Variants in ZNF556 observed in about 807,000 individuals in gnomAD.
ZNF556 encodes zinc finger protein 556.
Under a neutral mutation model 13.6 loss-of-function variants are expected in ZNF556, and 11 were observed. That is an observed-to-expected ratio of 0.81 (90% CI 0.51 to 1.33). ZNF556 has a LOEUF of 1.33. Among genes scored for constraint, ZNF556 ranks in the 40% most tolerant of loss-of-function variants. ZNF556 has a pLI of 0.00. For missense variants in ZNF556, 633 were observed against 566.2 expected, an observed-to-expected ratio of 1.12 and a Z score of -1.20; for synonymous variants, 229 against 207.8, an observed-to-expected ratio of 1.10 and a Z score of -0.88.
Position 2,877,991 on chromosome 19 carries a change from G to C in ZNF556, c.1033G>C (p.Gly345Arg). The stretch of plus-strand genomic sequence containing the variant: ...GCATGCTAAAAAGAAACCTGTGAGT[G>C]GGGGCAGCGTGGGAAAGTCTTCCGC... ...RTHAKKKPVS[G>R]GSVGKSSARP... The change falls in exon 4 of 4, where the codon GGG becomes CGG. Residue 345 changes from glycine to arginine, a missense_variant. By Grantham distance (125) the Gly-to-Arg change is moderately radical. Coordinates refer to ENST00000307635, the MANE Select transcript of ZNF556 (RefSeq NM_024967.3). 1 of 1,614,124 alleles carries C rather than the reference G, an allele frequency of 6.2e-7. No homozygotes were observed. Among genetic ancestry groups the C allele is most frequent in the Non-Finnish European group, 8.5e-7 (1 of 1,179,992 alleles).
intron 1 of ZNF556, among the ~76,000 whole-genome samples, chr19:2,871,535 C>A (rs1053585562): frequency 2.0e-5 from 3 of 152,142 alleles, no homozygotes; most frequent in Admixed American, 6.6e-5. Context: ...TACACTGGGC[C>A]TGGTGCGGTG....
In ZNF556 at chr19:2,878,309, A is replaced by G. The variant is rs1264589193; in HGVS notation, c.1351A>G (p.Lys451Glu). 3.1e-6 allele frequency: 5 copies of G among 1,613,792 alleles called. No individual in the cohort carries two copies. In the South Asian group the frequency reaches 5.5e-5, roughly 18 times the overall value. Residue 451 changes from lysine to glutamate, a missense_variant, in exon 4 of 4, where the codon AAA (lysine) becomes GAA (glutamate). Coordinates refer to ENST00000307635, the MANE Select transcript of ZNF556 (RefSeq NM_024967.3). The part of the protein sequence containing the change: ...QGHVRSHTGK[K>E]SCTSK ...TCATGTGAGAAGTCACACAGGAAAG[A>G]AATCCTGTACATCTAAGTAATGGGG...
In ZNF556 at chr19:2,871,255, C is replaced by T. The variant is rs557447925; in HGVS notation, c.4-2241C>T. On this transcript the variant is annotated intron_variant, in intron 1 of 3. Coordinates refer to ENST00000307635, the MANE Select transcript of ZNF556 (RefSeq NM_024967.3). ...GGAAATCCTGCCATTGGTGACAGCA[C>T]TGATGAACCTGGGGCACATTATGCT... 4.3e-4 allele frequency among the ~76,000 whole-genome samples: 65 copies of T among 152,198 alleles called. 1 individual carries two copies. The highest frequency in any genetic ancestry group is 1.5e-3 in the African/African-American group (63 of 41,514).
rs1484204212 is a variant in ZNF556, at chr19:2,878,164, T to C, written c.1206T>C (p.Ser402=). 3.7e-6 allele frequency: 6 copies of C among 1,613,938 alleles called. No homozygotes were observed. Among genetic ancestry groups the C allele is most frequent in the Non-Finnish European group, 5.1e-6 (6 of 1,180,028 alleles). Residue 402 remains serine (S), a synonymous_variant, in exon 4 of 4, where the codon AGT becomes AGC. Coordinates refer to ENST00000307635, the MANE Select transcript of ZNF556 (RefSeq NM_024967.3). ...GGGAGAAACCTGTAAATGCAGCCAG[T>C]GTGGGAAAACCTTCAGGCGGGCTTT... is the stretch of plus-strand genomic sequence containing the variant. ...HTGEKPVNAA[S]VGKPSGGLCS...
intron 2 of ZNF556, chr19:2,875,544 C>A: frequency 1.2e-5 from 2 of 168,462 alleles, no homozygotes; most frequent in East Asian, 1.6e-4. Flanking sequence ...TTCTGGAGAC[C>A]CTGCTTATAG....
intron 1 of ZNF556, 114 bp downstream of exon 1, chr19:2,867,538 C>T (rs1199216379): frequency 6.8e-7 from 1 of 1,470,670 alleles, no homozygotes. Flanking sequence ...CATGCAGCCT[C>T]TGTCCCTGTG....
chr19:2,876,754 T>C (rs2144891533), intron 3 of ZNF556, among the ~76,000 whole-genome samples: 1 of 152,158 alleles, frequency 6.6e-6, no homozygotes, highest in East Asian at 1.9e-4. Context: ...TAGAAACAAT[T>C]ATCAGAGAGC....
Position 2,867,372 on chromosome 19 carries a change from C to G in ZNF556, c.-50C>G, listed in dbSNP as rs368391520. 1.3e-5 allele frequency: 20 copies of G among 1,567,862 alleles called. No homozygotes were observed. Among genetic ancestry groups the G allele is most frequent in the Non-Finnish European group, 1.7e-5 (20 of 1,156,094 alleles). On this transcript the variant is annotated 5_prime_UTR_variant, in exon 1 of 4. Transcript: ENST00000307635. ...GTGTCCCCGTCGTGCTCACCTGCAC[C>G]GGCTGCGAGGAGCAGGGAGCTCCTC...
At chr19:2,872,887 T>C (rs499791) in intron 1 of ZNF556, among the ~76,000 whole-genome samples, 144,283 of 151,600 alleles carry the variant, frequency 0.95, 68,716 homozygotes, top group East Asian at 1. Context: ...AATCCCAGCA[T>C]TTTGGGAGGC....
chr19:2,870,513 G>A (rs565296038), intron 1 of ZNF556, among the ~76,000 whole-genome samples: 17 of 152,040 alleles, frequency 1.1e-4, no homozygotes, highest in African/African-American at 4.1e-4. Flanking sequence ...TTGGGAGGCC[G>A]AGGCAGGCAG....
In ZNF556 at chr19:2,877,808, G is replaced by T. The variant is rs1482570945; in HGVS notation, c.850G>T (p.Gly284Trp). The T allele has an allele frequency of 6.2e-7, 1 of 1,614,186 alleles. No homozygotes were observed. The highest frequency in any genetic ancestry group is 1.1e-5 in the South Asian group (1 of 91,088). ...FRVHMIMHAG[G>W]RPYECKQCGK... ...AGTCCATATGATCATGCACGCCGGA[G>T]GGAGACCGTATGAGTGCAAGCAGTG... is the stretch of plus-strand genomic sequence containing the variant. The change falls in exon 4 of 4, where the codon GGG (glycine) becomes TGG (tryptophan). Residue 284 changes from glycine to tryptophan, a missense_variant. Gly to Trp is a radical substitution (Grantham distance 184). Coordinates refer to ENST00000307635, the MANE Select transcript of ZNF556 (RefSeq NM_024967.3).
rs760155680 is a variant in ZNF556 at position 2,873,526 on chromosome 19, G to C, written c.34G>C (p.Asp12His). ...DTVVFEDVVVDFTLEEWALLN... is the reference protein window; with the variant it reads ...DTVVFEDVVVHFTLEEWALLN... The stretch of plus-strand genomic sequence containing the variant: ...AGTGGTCTTTGAAGACGTGGTTGTG[G>C]ATTTCACGCTGGAGGAGTGGGCCTT... Residue 12 changes from aspartate to histidine, a missense_variant, in exon 2 of 4, where the codon GAT (aspartate) becomes CAT (histidine). Coordinates refer to ENST00000307635, the MANE Select transcript of ZNF556 (RefSeq NM_024967.3). 1.9e-6 allele frequency: 3 copies of C among 1,614,176 alleles called. No individual in the cohort carries two copies. The highest frequency in any genetic ancestry group is 2.5e-6 in the Non-Finnish European group (3 of 1,180,018).
chr19:2,869,642 C>T (rs1392953724), intron 1 of ZNF556, among the ~76,000 whole-genome samples: 1 of 152,192 alleles, frequency 6.6e-6, no homozygotes, highest in African/African-American at 2.4e-5. Context: ...CTGGGATTAA[C>T]AGGCGTGAGC....
Position 2,878,438 on chromosome 19 carries a change from A to C in ZNF556, c.*109A>C. ...GTAATCCCAGCACTTTGGGAGGCCG[A>C]GGCAGGCGGATCACGAGGTCAGGAG... On this transcript the variant is annotated 3_prime_UTR_variant, in exon 4 of 4. Transcript: ENST00000307635. The C allele has an allele frequency of 9.2e-7, 1 of 1,083,780 alleles. No homozygotes were observed. Among genetic ancestry groups the C allele is most frequent in the Non-Finnish European group, 1.3e-6 (1 of 753,532 alleles). 67.1% of individuals were successfully genotyped at this position (1,083,780 alleles called of 1,614,324 possible).
intron 1 of ZNF556, among the ~76,000 whole-genome samples, chr19:2,868,866 G>A (rs942934140): frequency 2.0e-5 from 3 of 151,498 alleles, no homozygotes; most frequent in African/African-American, 7.3e-5. Context: ...TTACAGGCAC[G>A]TGTGGCCACA....
intron 1 of ZNF556, among the ~76,000 whole-genome samples, chr19:2,872,387 T>C (rs934828716): frequency 3.3e-5 from 5 of 151,188 alleles, no homozygotes; most frequent in African/African-American, 4.9e-5. Context: ...TGGCCCTGTC[T>C]GGGCATAACA....
At chr19:2,874,259 AAAAT>A (rs1179360850) in intron 2 of ZNF556, among the ~76,000 whole-genome samples, 3 of 151,674 alleles carry the variant, frequency 2.0e-5, no homozygotes, top group African/African-American at 4.9e-5. Flanking sequence ...TCCGTCTCAA[AAAAT>A]AAATAAATAA....
rs1278812065 is a variant in ZNF556 at position 2,878,981 on chromosome 19, A to G, written c.*652A>G. 1 of 151,654 alleles carries G rather than the reference A, an allele frequency of 6.6e-6. No individual in the cohort carries two copies. The highest frequency in any genetic ancestry group is 1.5e-5 in the Non-Finnish European group (1 of 67,932). 9.4% of individuals were successfully genotyped at this position (151,654 alleles called of 1,614,324 possible). A position where few individuals can be genotyped will look rare whatever the true frequency, so the allele number is the denominator to read the frequency against. On this transcript the variant is annotated 3_prime_UTR_variant, in exon 4 of 4. Transcript: ENST00000307635. ...TTAATTTTTATATATTTTTTTTGTT[A>G]CTCCGTGTGAGGCCATTAGACCAAT... is the stretch of plus-strand genomic sequence containing the variant.
chr19:2,876,486 G>A (rs1018913125), intron 3 of ZNF556, among the ~76,000 whole-genome samples: 4 of 150,016 alleles, frequency 2.7e-5, no homozygotes, highest in Admixed American at 6.6e-5. Context: ...TTGGGAGGCC[G>A]AGGGAGGCGG....
Sources: gnomAD v4.1 joint callset for allele counts (sites outside exome capture counted in the v4.1 genomes callset) on GRCh38, gnomAD v4.1.1 for gene constraint, MANE v1.5 for transcripts, NCBI Gene and HGNC (gene_info 2026-07-23, HGNC 2026-07-21) for gene names.